The following SUMF1 variants were observed in gnomAD, a reference collection of about 807,000 sequenced individuals.
SUMF1 encodes formylglycine-generating enzyme.
A neutral mutation model predicts 47.6 loss-of-function variants in SUMF1; 48 were observed. That is an observed-to-expected ratio of 1.01 (90% CI 0.80 to 1.28). The LOEUF (loss-of-function observed/expected upper bound fraction) is 1.28, where lower values mean the gene tolerates loss of function less well. Among genes scored for constraint, SUMF1 ranks in the 50% most tolerant of loss-of-function variants. The pLI, the probability that SUMF1 is intolerant of heterozygous loss-of-function variation, is 0.00. For synonymous variants in SUMF1, 230 were observed against 192.1 expected (o/e 1.20, Z -1.63); for missense variants, 571 against 485.4 (o/e 1.18, Z -1.66).
chr3:4,398,191 G>C (rs946338670), intron 7 of SUMF1, among the ~76,000 whole-genome samples: 3 of 151,936 alleles, frequency 2.0e-5, no homozygotes, highest in African/African-American at 7.3e-5. Flanking sequence ...TAAACCCACC[G>C]AGGTGGGTTT....
intron 8 of SUMF1, among the ~76,000 whole-genome samples, chr3:4,276,326 CATA>C (rs1333210413): frequency 6.6e-6 from 1 of 152,122 alleles, no homozygotes; most frequent in Admixed American, 6.6e-5. Context: ...CCTAAAAAGA[CATA>C]ATATGTTTAA....
At chr3:4,454,642 A>C (rs1276420762) in intron 1 of SUMF1, among the ~76,000 whole-genome samples, 1 of 152,280 alleles carries the variant, frequency 6.6e-6, no homozygotes, top group Non-Finnish European at 1.5e-5. Context: ...TCATAGCAGC[A>C]TTATTCATAA....
downstream of SUMF1, among the ~76,000 whole-genome samples, chr3:4,360,183 T>C (rs1482478805): frequency 3.3e-5 from 5 of 150,670 alleles, no homozygotes; most frequent in African/African-American, 9.8e-5. Flanking sequence ...CCTACATTAA[T>C]TATTTGCTAC....
intron 8 of SUMF1, among the ~76,000 whole-genome samples, chr3:4,254,146 A>C (rs538076579): frequency 2.4e-4 from 37 of 152,194 alleles, no homozygotes; most frequent in Admixed American, 2.1e-3. Flanking sequence ...AAGCAAAAAA[A>C]ACCACAAAGA....
chr3:4,463,488 T>A (rs565905259), intron 1 of SUMF1, among the ~76,000 whole-genome samples: 22 of 152,248 alleles, frequency 1.4e-4, no homozygotes, highest in African/African-American at 4.8e-4. Context: ...AGACTCCGTC[T>A]CAAAAACAAA....
At chr3:4,101,173 TA>T (rs149418514) in intron 8 of SUMF1, among the ~76,000 whole-genome samples, 7,570 of 151,822 alleles carry the variant, frequency 0.05, 520 homozygotes, top group East Asian at 0.16. Flanking sequence ...ATCAGTATGT[TA>T]AAAAAAAGTC....
At chr3:4,121,007 T>A (rs1356814563) in intron 8 of SUMF1, among the ~76,000 whole-genome samples, 2 of 152,036 alleles carry the variant, frequency 1.3e-5, no homozygotes, top group African/African-American at 4.8e-5. Context: ...AGATAGGAAA[T>A]AACTGAACTA....
At chr3:4,147,965 G>C (rs1046497332) in intron 8 of SUMF1, among the ~76,000 whole-genome samples, 1 of 152,058 alleles carries the variant, frequency 6.6e-6, no homozygotes, top group Non-Finnish European at 1.5e-5. Flanking sequence ...CACTATGCTA[G>C]GAAATCACAT....
At chr3:4,107,086 A>G (rs1421034353) in intron 8 of SUMF1, among the ~76,000 whole-genome samples, 3 of 152,094 alleles carry the variant, frequency 2.0e-5, no homozygotes, top group Non-Finnish European at 2.9e-5. Flanking sequence ...ACTGAGATCA[A>G]TAGCCCAAGG....
At chr3:4,319,266 CAGG>C (rs1698768481) in intron 8 of SUMF1, among the ~76,000 whole-genome samples, 1 of 152,156 alleles carries the variant, frequency 6.6e-6, no homozygotes. Context: ...ACCAAAATGA[CAGG>C]GGGTTCAGTC....
At chr3:4,402,644 A>G (rs1701251854) in intron 7 of SUMF1, among the ~76,000 whole-genome samples, 1 of 152,124 alleles carries the variant, frequency 6.6e-6, no homozygotes, top group Admixed American at 6.6e-5. Flanking sequence ...TGGTGATAAT[A>G]AATTGGAAGG....
intron 8 of SUMF1, among the ~76,000 whole-genome samples, chr3:4,114,918 G>A (rs1362764972): frequency 6.6e-6 from 1 of 152,066 alleles, no homozygotes; most frequent in East Asian, 1.9e-4. Context: ...GAAGAAGGCA[G>A]GGAAGCACTG....
Position 4,310,219 on chromosome 3 carries a change from G to A in SUMF1, c.1014+66111C>T, listed in dbSNP as rs1219807411. On this transcript the variant is annotated intron_variant and NMD_transcript_variant, in intron 8 of 12. Transcript: ENST00000448413. ...TACTCGAAGTTTAACCGCGTGGCATGTAAATATTTGAATAGAATGTTAGGA... is the reference window on the plus strand; with the variant it reads ...TACTCGAAGTTTAACCGCGTGGCATATAAATATTTGAATAGAATGTTAGGA... 2.0e-5 allele frequency among the ~76,000 whole-genome samples: 3 copies of A among 152,266 alleles called. No individual in the cohort carries two copies. The East Asian group carries it at 5.8e-4, about 29-fold the overall frequency.
intron 3 of SUMF1, among the ~76,000 whole-genome samples, chr3:4,435,669 T>C (rs1702374414): frequency 6.6e-6 from 1 of 152,142 alleles, no homozygotes; most frequent in Admixed American, 6.5e-5. Context: ...ACAATACATG[T>C]AAGAGAAGTG....
chr3:4,246,774 C>T (rs1248820986), intron 8 of SUMF1, among the ~76,000 whole-genome samples: 4 of 152,282 alleles, frequency 2.6e-5, no homozygotes, highest in Middle Eastern at 3.4e-3. Context: ...GAGTTAGCAG[C>T]TCTAACCAAG....
At chr3:4,193,529 G>C (rs1695365820) in intron 8 of SUMF1, among the ~76,000 whole-genome samples, 1 of 152,062 alleles carries the variant, frequency 6.6e-6, no homozygotes, top group Non-Finnish European at 1.5e-5. Flanking sequence ...TTAACTTGTA[G>C]AGTCTGTGCC....
chr3:4,301,575 G>T (rs1278642924), intron 8 of SUMF1, among the ~76,000 whole-genome samples: 2 of 152,168 alleles, frequency 1.3e-5, no homozygotes, highest in African/African-American at 4.8e-5. Flanking sequence ...AGTGAGAAGA[G>T]GCAAAAATGA....
Position 4,255,691 on chromosome 3 carries a change from C to T in SUMF1, c.1014+120639G>A, listed in dbSNP as rs1352259643. Among the ~76,000 whole-genome samples, 1,173 of 139,386 alleles carry T rather than the reference C, an allele frequency of 8.4e-3. 3 individuals are homozygous for T. The highest frequency in any genetic ancestry group is 0.014 in the Middle Eastern group (4 of 288). The allele number at this position is 139,386 out of a possible 152,430, so 91.4% of individuals were successfully genotyped here. ...GGAGACTTTAACACCCCATTGTCAACATTAGACAGATCAACGAGACAGAAA... is the reference window on the plus strand; with the variant it reads ...GGAGACTTTAACACCCCATTGTCAATATTAGACAGATCAACGAGACAGAAA... On this transcript the variant is annotated intron_variant and NMD_transcript_variant, in intron 8 of 12. Transcript: ENST00000448413.
chr3:4,045,112 T>G (rs1227906920), intron 9 of SUMF1, among the ~76,000 whole-genome samples: 1 of 152,160 alleles, frequency 6.6e-6, no homozygotes, highest in Admixed American at 6.5e-5. Context: ...GCAAAGGTGT[T>G]TTGTAGATGT....
Sources: allele counts gnomAD v4.1 joint callset (sites outside exome capture counted in the v4.1 genomes callset), GRCh38; gene constraint gnomAD v4.1.1; transcripts MANE v1.5; gene names NCBI Gene and HGNC (gene_info 2026-07-23, HGNC 2026-07-21).